MLLT10: variants seen among roughly 807,000 people sequenced by gnomAD.
The protein encoded by MLLT10 is MLLT10 histone lysine methyltransferase DOT1L cofactor.
A neutral mutation model predicts 129.1 loss-of-function variants in MLLT10; 30 were observed. The observed-to-expected ratio is 0.23, with a 90% confidence interval of 0.17 to 0.32. The LOEUF is 0.32. Among genes scored for constraint, MLLT10 ranks in the 10% least tolerant of loss-of-function variants. The pLI, the probability that MLLT10 is intolerant of heterozygous loss-of-function variation, is 1.00. For synonymous variants in MLLT10, 490 were observed against 446.4 expected, an observed-to-expected ratio of 1.10 and a Z score of -1.23; for missense variants, 1,119 against 1,268.3, an observed-to-expected ratio of 0.88 and a Z score of 1.79.
At chr10:21,600,543 A>G (rs1403756356) in intron 5 of MLLT10, among the ~76,000 whole-genome samples, 1 of 152,220 alleles carries the variant, frequency 6.6e-6, no homozygotes, top group Non-Finnish European at 1.5e-5. Flanking sequence ...TAACGAGATG[A>G]TAATAAGGCC....
At chr10:21,566,163 C>T (rs1240981167) in intron 3 of MLLT10, among the ~76,000 whole-genome samples, 2 of 151,708 alleles carry the variant, frequency 1.3e-5, no homozygotes, top group Non-Finnish European at 2.9e-5. Flanking sequence ...CTGTGTTGGT[C>T]AGGCTGGTCT....
intron 8 of MLLT10, among the ~76,000 whole-genome samples, chr10:21,650,986 T>C (rs2048962590): frequency 6.6e-6 from 1 of 152,252 alleles, no homozygotes; most frequent in African/African-American, 2.4e-5. Flanking sequence ...TGAAGTGCTA[T>C]GTAAACTTTA....
At chr10:21,640,702 A>G (rs1195693801) in intron 8 of MLLT10, among the ~76,000 whole-genome samples, 1 of 152,200 alleles carries the variant, frequency 6.6e-6, no homozygotes, top group Admixed American at 6.5e-5. Flanking sequence ...TATATGAGCA[A>G]CCTTGAAAAG....
chr10:21,709,604 T>C (rs1394840331), intron 13 of MLLT10, among the ~76,000 whole-genome samples: 3 of 152,238 alleles, frequency 2.0e-5, no homozygotes, highest in Non-Finnish European at 2.9e-5. Context: ...GAATTATCTA[T>C]GGAGTAGCAA....
intron 9 of MLLT10, among the ~76,000 whole-genome samples, chr10:21,658,609 T>C (rs768644924): frequency 1.3e-5 from 2 of 152,220 alleles, no homozygotes; most frequent in African/African-American, 4.8e-5. Context: ...CTTGCATGAA[T>C]ACCAAGGAGT....
At position 21,546,532 on chromosome 10, in the gene MLLT10, G is replaced by A. The variant is rs1425322645; in HGVS notation, c.240+7620G>A. On this transcript the variant is annotated intron_variant, in intron 3 of 22. Transcript: ENST00000307729. ...CGATTCTCCTGCCTCAGCCTCCCGA[G>A]TAGCTGAGACTGCAGGCACGCCCCA... Among the ~76,000 whole-genome samples the A allele has an allele frequency of 2.3e-4, 34 of 150,962 alleles. 2 individuals carry two copies. The highest frequency in any genetic ancestry group is 2.2e-3 in the Admixed American group (34 of 15,122).
chr10:21,591,610 G>A (rs2042510241), intron 4 of MLLT10, among the ~76,000 whole-genome samples: 1 of 151,482 alleles, frequency 6.6e-6, no homozygotes, highest in South Asian at 2.1e-4. Context: ...TGCCTTTTTG[G>A]CCATATCTCT....
At chr10:21,613,460 A>G (rs546934679) in intron 6 of MLLT10, among the ~76,000 whole-genome samples, 1 of 152,312 alleles carries the variant, frequency 6.6e-6, no homozygotes, top group African/African-American at 2.4e-5. Flanking sequence ...ACTTTTATAA[A>G]TTCTCGTAAT....
chr10:21,534,925 G>A, intron 2 of MLLT10, 121 bp downstream of exon 2: 1 of 660,248 alleles, frequency 1.5e-6, no homozygotes, highest in Non-Finnish European at 1.9e-6. Flanking sequence ...GGGACGCGGA[G>A]GGTCCGCGGC....
chr10:21,732,902 T>C lies in MLLT10; in HGVS notation c.2222T>C (p.Leu741Ser). The part of the protein sequence containing the change: ...LLEQGTPSDI[L>S]GMLKSLHQLQ... ...AAACTATCCAAATGTGTGGTAGTTT[T>C]AGGAATGCTGAAGTCATTACACCAA... is the stretch of plus-strand genomic sequence containing the variant. The change falls in exon 18 of 23, where the codon TTA becomes TCA. Residue 741 changes from leucine to serine, a missense_variant. Physicochemically the swap from Leu to Ser is moderately radical, Grantham distance 145. Transcript: ENST00000307729. 2 of 1,612,612 alleles carry C rather than the reference T, an allele frequency of 1.2e-6. No homozygotes were observed. The highest frequency in any genetic ancestry group is 1.1e-5 in the South Asian group (1 of 90,788).
At chr10:21,630,185 C>T (rs973196899) in intron 8 of MLLT10, among the ~76,000 whole-genome samples, 12 of 152,000 alleles carry the variant, frequency 7.9e-5, no homozygotes, top group East Asian at 5.8e-4. Flanking sequence ...AGGCCAAGTG[C>T]GTTATTTTCA....
In MLLT10 at chr10:21,726,290, T is replaced by C. The variant is rs572483642; in HGVS notation, c.1925T>C (p.Met642Thr). ...TCTCTCAGTCAGGCACCATCTCATATGTATGGCAATAGATCAAATTCATCA... is the reference window on the plus strand; with the variant it reads ...TCTCTCAGTCAGGCACCATCTCATACGTATGGCAATAGATCAAATTCATCA... ...GSSLSQAPSH[M>T]YGNRSNSSMA... Residue 642 changes from methionine (M) to threonine (T), a missense_variant, in exon 15 of 23, where the codon ATG becomes ACG. Around this residue, in one of 5 missense-constraint regions of MLLT10, gnomAD observed 1,004 missense variants for 1,008.7 expected, o/e 1.00. Transcript: ENST00000307729. 3 of 1,613,468 alleles carry C rather than the reference T, an allele frequency of 1.9e-6. No homozygotes were observed. In the South Asian group the frequency reaches 3.3e-5, roughly 18 times the overall value.
intron 11 of MLLT10, among the ~76,000 whole-genome samples, chr10:21,677,856 A>G (rs192661687): frequency 9.8e-5 from 15 of 152,334 alleles, no homozygotes; most frequent in Non-Finnish European, 1.3e-4. Flanking sequence ...AAACTATAAC[A>G]TTCACTATAA....
At chr10:21,723,038 AT>A (rs1043082523) in intron 14 of MLLT10, among the ~76,000 whole-genome samples, 1 of 152,204 alleles carries the variant, frequency 6.6e-6, no homozygotes, top group Non-Finnish European at 1.5e-5. Context: ...TACCACATTA[AT>A]TTTAGCTAAC....
intron 14 of MLLT10, among the ~76,000 whole-genome samples, chr10:21,717,497 C>T (rs1171884190): frequency 1.1e-4 from 8 of 70,760 alleles, no homozygotes; most frequent in South Asian, 7.2e-4. Flanking sequence ...CCTCCTCCTC[C>T]TCCTCCTCCT....
intron 2 of MLLT10, among the ~76,000 whole-genome samples, chr10:21,538,555 A>C (rs2034510596): frequency 6.6e-6 from 1 of 151,650 alleles, no homozygotes; most frequent in African/African-American, 2.4e-5. Flanking sequence ...AGCCCTCCCA[A>C]CTCGACCTCC....
chr10:21,712,013 G>C (rs1459091484), intron 13 of MLLT10, among the ~76,000 whole-genome samples: 1 of 152,126 alleles, frequency 6.6e-6, no homozygotes, highest in African/African-American at 2.4e-5. Context: ...GGCAAATAAT[G>C]AGTTCAGTGA....
chr10:21,711,803 G>A (rs1470698305), intron 13 of MLLT10, among the ~76,000 whole-genome samples: 1 of 152,124 alleles, frequency 6.6e-6, no homozygotes, highest in Non-Finnish European at 1.5e-5. Context: ...ATCTCTTCCA[G>A]TAAGTTTTTT....
Position 21,742,094 on chromosome 10 carries a change from C to A in MLLT10, c.*111C>A. ...AAGAAACGCAACAAGAAACTCAATG[C>A]ACAACAAAGGATTAATTGCTGCAAG... On this transcript the variant is annotated 3_prime_UTR_variant, in exon 23 of 23. Coordinates refer to ENST00000307729, the MANE Select transcript of MLLT10 (RefSeq NM_001195626.3). 2 of 925,552 alleles carry A rather than the reference C, an allele frequency of 2.2e-6. No homozygotes were observed. Among genetic ancestry groups the A allele is most frequent in the Non-Finnish European group, 1.7e-6 (1 of 589,506 alleles). 57.3% of individuals were successfully genotyped at this position (925,552 alleles called of 1,614,324 possible). A position where few individuals can be genotyped will look rare whatever the true frequency, so the allele number is the denominator to read the frequency against.
Sources: allele counts gnomAD v4.1 joint callset (sites outside exome capture counted in the v4.1 genomes callset), GRCh38; gene constraint gnomAD v4.1.1; regional missense constraint gnomAD v4.1.1; transcripts MANE v1.5; gene names NCBI Gene and HGNC (gene_info 2026-07-23, HGNC 2026-07-21).